Variants in IARS2 observed in about 807,000 individuals in gnomAD.
The protein encoded by IARS2 is isoleucyl-tRNA synthetase 2, mitochondrial, also known as isoleucine--tRNA ligase, mitochondrial.
IARS2 carries 56 observed loss-of-function variants against 126.3 expected under a neutral mutation model. The ratio of observed to expected loss-of-function variants is 0.44; its 90% confidence interval spans 0.36 to 0.55. IARS2 has a LOEUF of 0.55. Among genes scored for constraint, IARS2 ranks in the 20% least tolerant of loss-of-function variants. The pLI, the probability that IARS2 is intolerant of heterozygous loss-of-function variation, is 0.00. For missense variants in IARS2, 1,127 were observed against 1,245.9 expected (o/e 0.90, Z 1.44); for synonymous variants, 407 against 441.1 (o/e 0.92, Z 0.97).
intron 14 of IARS2, among the ~76,000 whole-genome samples, chr1:220,130,277 TCAGA>T (rs1400202891): frequency 6.6e-6 from 1 of 152,210 alleles, no homozygotes; most frequent in Non-Finnish European, 1.5e-5. Flanking sequence ...CAGTTTCTTG[TCAGA>T]CAAATAGTTT....
chr1:220,140,046 A>G (rs1657454238), intron 18 of IARS2, 137 bp from the exon 19 acceptor site: 7 of 655,632 alleles, frequency 1.1e-5, no homozygotes, highest in Non-Finnish European at 1.9e-5. Context: ...GAAGATTCCC[A>G]GGAGTTCTTG....
chr1:220,144,083 G>A, intron 21 of IARS2: 1 of 1,121,412 alleles, frequency 8.9e-7, no homozygotes, highest in Non-Finnish European at 1.3e-6. Context: ...AGATTATTTT[G>A]CCATTTTTCT....
Position 220,102,675 on chromosome 1 carries a change from G to T in IARS2, c.860-12G>T, listed in dbSNP as rs1656601348. 2.5e-6 allele frequency: 4 copies of T among 1,603,582 alleles called. No homozygotes were observed. In the African/African-American group the frequency reaches 5.4e-5, roughly 21 times the overall value. On this transcript the variant is annotated splice_polypyrimidine_tract_variant and intron_variant, in intron 6 of 22. Transcript: ENST00000366922. ...CCCATTTGCTAACATATTTACAATTGTATTTTCACAGATGGTTCATCTCCT... is the reference window on the plus strand; with the variant it reads ...CCCATTTGCTAACATATTTACAATTTTATTTTCACAGATGGTTCATCTCCT...
At chr1:220,122,521 A>T (rs1657070538) in intron 12 of IARS2, among the ~76,000 whole-genome samples, 1 of 152,262 alleles carries the variant, frequency 6.6e-6, no homozygotes, top group African/African-American at 2.4e-5. Flanking sequence ...AAAACAGCAC[A>T]CCAAACTATG....
At chr1:220,114,244 G>T in intron 11 of IARS2, 70 bp from the exon 12 acceptor site, 2 of 1,387,286 alleles carry the variant, frequency 1.4e-6, no homozygotes, top group Non-Finnish European at 2.1e-6. Context: ...AAATGCATTT[G>T]GAAAATTGAC....
intron 10 of IARS2, among the ~76,000 whole-genome samples, chr1:220,110,408 C>T (rs1475186521): frequency 6.6e-6 from 1 of 152,182 alleles, no homozygotes; most frequent in Non-Finnish European, 1.5e-5. Context: ...CTCTGTCACC[C>T]AGGCTGGAGT....
chr1:220,102,627 G>T (rs2102818762), intron 6 of IARS2, 23 bp downstream of exon 6: 1 of 1,586,250 alleles, frequency 6.3e-7, no homozygotes, highest in Non-Finnish European at 8.7e-7. Context: ...CATAGCTTGA[G>T]TGTACCAAAG....
chr1:220,104,415 G>C (rs1052223468), intron 8 of IARS2, among the ~76,000 whole-genome samples: 1 of 152,172 alleles, frequency 6.6e-6, no homozygotes, highest in Non-Finnish European at 1.5e-5. Flanking sequence ...ACGTGGTCTT[G>C]CTCTGTTGCC....
At chr1:220,145,477 A>G in intron 21 of IARS2, 32 bp from the exon 22 acceptor site, 1 of 1,576,490 alleles carries the variant, frequency 6.3e-7, no homozygotes, top group East Asian at 2.3e-5. Context: ...CAAATTTAAC[A>G]TAAACTGTAA....
chr1:220,142,434 G>A (rs1257889419), intron 20 of IARS2, among the ~76,000 whole-genome samples: 2 of 152,118 alleles, frequency 1.3e-5, no homozygotes, highest in African/African-American at 2.4e-5. Context: ...CTCGGGAGGT[G>A]GAAGTTGCAG....
At position 220,143,015 on chromosome 1, in the gene IARS2, G is replaced by A. The variant is rs1041910674; in HGVS notation, c.2632G>A (p.Ala878Thr). 8.1e-6 allele frequency: 13 copies of A among 1,614,052 alleles called. No homozygotes were observed. Among genetic ancestry groups the A allele is most frequent in the African/African-American group, 1.3e-5 (1 of 74,930 alleles). Reference sequence around the variant, plus strand: ...CTGGAAAAAGCCCGGGTTGGAAGAAGCTGTGGAGAGTGCGTGTGCAATGCG... The same window carrying A: ...CTGGAAAAAGCCCGGGTTGGAAGAAACTGTGGAGAGTGCGTGTGCAATGCG... Reference protein sequence around the residue: ...SIWKKPGLEEAVESACAMRDS... With the variant: ...SIWKKPGLEETVESACAMRDS... Residue 878 changes from alanine (A) to threonine (T), a missense_variant, in exon 21 of 23, where the codon GCT (alanine) becomes ACT (threonine). Ala to Thr is a moderately conservative substitution (Grantham distance 58, BLOSUM62 0). Coordinates refer to ENST00000366922, the MANE Select transcript of IARS2 (RefSeq NM_018060.4).
chr1:220,144,994 C>T (rs948467250), intron 21 of IARS2, among the ~76,000 whole-genome samples: 4 of 151,458 alleles, frequency 2.6e-5, no homozygotes, highest in Non-Finnish European at 4.4e-5. Flanking sequence ...AAGTGTTCTG[C>T]GTATTGTTCA....
In IARS2 at chr1:220,096,164, T is replaced by C. The variant is rs370827430; in HGVS notation, c.328T>C (p.Cys110Arg). The C allele has an allele frequency of 1.3e-5, 21 of 1,572,688 alleles. No individual in the cohort carries two copies. The highest frequency in any genetic ancestry group is 1.7e-5 in the Non-Finnish European group (20 of 1,144,590). ...AGAAAGAAAAGTAAAGACAGAATTT[T>C]GCCTTCATGATGGACCTCCTTATGC... The part of the protein sequence containing the change: ...QRERKVKTEF[C>R]LHDGPPYANG... The change falls in exon 2 of 23, where the codon TGC becomes CGC. Residue 110 changes from cysteine (C) to arginine (R), a missense_variant. By Grantham distance (180) the Cys-to-Arg change is radical. Transcript: ENST00000366922.
At chr1:220,116,759 T>G (rs1031913302) in intron 12 of IARS2, among the ~76,000 whole-genome samples, 1 of 152,088 alleles carries the variant, frequency 6.6e-6, no homozygotes, top group African/African-American at 2.4e-5. Context: ...TTATTTTATT[T>G]TATTTTTGAT....
intron 13 of IARS2, among the ~76,000 whole-genome samples, chr1:220,125,877 C>T (rs543815631): frequency 7.2e-5 from 11 of 151,848 alleles, no homozygotes; most frequent in African/African-American, 1.7e-4. Context: ...GAGGCCGAGG[C>T]GGGCAGATCA....
chr1:220,095,586 C>CT lies in IARS2; in HGVS notation c.268-508dup, dbSNP rs34977332. On this transcript the variant is annotated intron_variant, in intron 1 of 22. Coordinates refer to ENST00000366922, the MANE Select transcript of IARS2 (RefSeq NM_018060.4). ...CAGCCCTGTAAGATGGATATTAACA[C>CT]TTTTTTTTTTCAGATAAGAAAGCAG... Among the ~76,000 whole-genome samples the CT allele has an allele frequency of 4.5e-4, 68 of 149,898 alleles. No individual in the cohort carries two copies. In the South Asian group the frequency reaches 6.1e-3, roughly 14 times the overall value.
At chr1:220,127,167 A>G (rs1657170914) in intron 14 of IARS2, among the ~76,000 whole-genome samples, 1 of 152,216 alleles carries the variant, frequency 6.6e-6, no homozygotes, top group African/African-American at 2.4e-5. Context: ...AAAGTTTGGA[A>G]GTCACTGAAA....
chr1:220,094,384 T>G lies in IARS2; in HGVS notation c.168T>G (p.Asn56Lys). ...CCAGTAACCACCAGCCGAACTCGAA[T>G]AGTGGCAGATACCGGGACACGGTGC... Reference protein sequence around the residue: ...SGASNHQPNSNSGRYRDTVLL... With the variant: ...SGASNHQPNSKSGRYRDTVLL... The change falls in exon 1 of 23, where the codon AAT (asparagine) becomes AAG (lysine). Residue 56 changes from asparagine to lysine, a missense_variant. Asn to Lys is a moderately conservative substitution (Grantham distance 94, BLOSUM62 0). Transcript: ENST00000366922. 3.7e-6 allele frequency: 6 copies of G among 1,612,810 alleles called. No individual in the cohort carries two copies. Among genetic ancestry groups the G allele is most frequent in the Non-Finnish European group, 5.1e-6 (6 of 1,179,652 alleles).
intron 11 of IARS2, among the ~76,000 whole-genome samples, chr1:220,113,684 G>A (rs77953786): frequency 0.057 from 8,166 of 144,016 alleles, 312 homozygotes; most frequent in Middle Eastern, 0.099. Context: ...TTGCTCTGTC[G>A]CCCAGGTTGG....
Sources: gnomAD v4.1 joint callset for allele counts (sites outside exome capture counted in the v4.1 genomes callset) on GRCh38, gnomAD v4.1.1 for gene constraint, MANE v1.5 for transcripts, NCBI Gene and HGNC (gene_info 2026-07-23, HGNC 2026-07-21) for gene names.